ATP2B4: variants seen among roughly 807,000 people sequenced by gnomAD.
The protein encoded by ATP2B4 is ATPase plasma membrane Ca2+ transporting 4.
A neutral mutation model predicts 110.3 loss-of-function variants in ATP2B4; 39 were observed. The ratio of observed to expected loss-of-function variants is 0.35; its 90% CI spans 0.27 to 0.46. The LOEUF is 0.46. ATP2B4 is among the 20% of genes least tolerant of loss of function. ATP2B4 has a pLI of 1.00. For synonymous variants in ATP2B4, 538 were observed against 571.7 expected (o/e 0.94, Z 0.84); for missense variants, 1,135 against 1,530.9 (o/e 0.74, Z 4.32).
intron 20 of ATP2B4, among the ~76,000 whole-genome samples, chr1:203,729,164 T>G (rs1157681357): frequency 6.6e-6 from 1 of 151,712 alleles, no homozygotes; most frequent in Non-Finnish European, 1.5e-5. Flanking sequence ...TCCCACCTCG[T>G]TAGTGTATAG....
At chr1:203,663,922 T>C (rs374517153) in intron 1 of ATP2B4, among the ~76,000 whole-genome samples, 44 of 152,246 alleles carry the variant, frequency 2.9e-4, no homozygotes, top group African/African-American at 7.0e-4. Flanking sequence ...CCAATTTCTT[T>C]TAGGACCTTG....
Position 203,660,011 on chromosome 1 carries a change from G to T in ATP2B4, c.-464-22731G>T, listed in dbSNP as rs542054820. On this transcript the variant is annotated intron_variant, in intron 1 of 20. Coordinates refer to ENST00000357681, the MANE Select transcript of ATP2B4 (RefSeq NM_001684.5). ...GCAGGAGAATCGCTTGAACCTGGGA[G>T]CTGGAGGTTGCAGTGAGCCAAGATT... is the stretch of plus-strand genomic sequence containing the variant. Among the ~76,000 whole-genome samples, 5 of 151,962 alleles carry T rather than the reference G, an allele frequency of 3.3e-5. No individual in the cohort carries two copies. The South Asian group carries it at 1.0e-3, about 32-fold the overall frequency.
chr1:203,648,113 A>G (rs1195605405), intron 1 of ATP2B4, among the ~76,000 whole-genome samples: 3 of 152,124 alleles, frequency 2.0e-5, no homozygotes, highest in Non-Finnish European at 4.4e-5. Flanking sequence ...TGTGAGTGAG[A>G]TTACTCATTC....
intron 18 of ATP2B4, 116 bp downstream of exon 18, chr1:203,722,805 C>A: frequency 1.0e-6 from 1 of 971,006 alleles, no homozygotes; most frequent in Non-Finnish European, 1.5e-6. Context: ...GGGACTGGAG[C>A]TGTAAGTTGA....
At chr1:203,701,905 T>C (rs1346725846) in intron 6 of ATP2B4, 139 bp from the exon 7 acceptor site, 1 of 779,634 alleles carries the variant, frequency 1.3e-6, no homozygotes, top group Admixed American at 2.7e-5. Context: ...GATGTGAGCT[T>C]CCTTTACATT....
rs147922241 is a variant in ATP2B4 at position 203,721,823 on chromosome 1, C to T, written c.2812+413C>T. Among the ~76,000 whole-genome samples the T allele has an allele frequency of 8.2e-3, 1,250 of 151,706 alleles. 29 individuals are homozygous for T. Among genetic ancestry groups the T allele is most frequent in the East Asian group, 0.08 (411 of 5,132 alleles). ...GATTACAGGCATGCGCCACCACACC[C>T]GGCTACTTTTTGTATTTTTAGTAGA... On this transcript the variant is annotated intron_variant, in intron 17 of 20. Coordinates refer to ENST00000357681, the MANE Select transcript of ATP2B4 (RefSeq NM_001684.5).
chr1:203,628,086 G>A (rs1571654543), intron 1 of ATP2B4, among the ~76,000 whole-genome samples: 1 of 152,200 alleles, frequency 6.6e-6, no homozygotes, highest in East Asian at 1.9e-4. Flanking sequence ...GGGCTGGTGA[G>A]TGTTTGGCAG....
At position 203,700,210 on chromosome 1, in the gene ATP2B4, T is replaced by C. The variant is rs754679496; in HGVS notation, c.654T>C (p.Asp218=). The change falls in exon 5 of 21, where the codon GAT becomes GAC. Residue 218 remains aspartate (D), a synonymous_variant. Transcript: ENST00000357681. ...TCCTTCCCCTTTGTGCTCTAGGTGA[T>C]CTGCTGCCTGCAGATGGAATCCTGA... ...VGDIAQVKYG[D]LLPADGILIQ... The C allele has an allele frequency of 6.2e-7, 1 of 1,613,186 alleles. No individual in the cohort carries two copies. Among genetic ancestry groups the C allele is most frequent in the Non-Finnish European group, 8.5e-7 (1 of 1,179,430 alleles).
At chr1:203,696,073 C>A (rs539722719) in intron 2 of ATP2B4, among the ~76,000 whole-genome samples, 1 of 151,940 alleles carries the variant, frequency 6.6e-6, no homozygotes, top group Non-Finnish European at 1.5e-5. Flanking sequence ...TACAGGCATG[C>A]GCCACCACAC....
At chr1:203,719,225 G>GAAAAAAA (rs60841821) in intron 15 of ATP2B4, among the ~76,000 whole-genome samples, 593 of 54,330 alleles carry the variant, frequency 0.011, 29 homozygotes, top group African/African-American at 0.042. Context: ...ACCCTGTCTC[G>GAAAAAAA]AAAAAAAAAA....
intron 8 of ATP2B4, 86 bp downstream of exon 8, chr1:203,703,899 G>C (rs1665768993): frequency 2.7e-6 from 4 of 1,466,922 alleles, no homozygotes; most frequent in Non-Finnish European, 2.7e-6. Flanking sequence ...CACCGACCGA[G>C]ACTGGCAGAA....
At position 203,691,471 on chromosome 1, in the gene ATP2B4, T is replaced by C. The variant is rs141868004; in HGVS notation, c.194-6686T>C. Among the ~76,000 whole-genome samples the C allele has an allele frequency of 7.7e-3, 1,169 of 152,272 alleles. 16 individuals carry two copies. The highest frequency in any genetic ancestry group is 0.026 in the African/African-American group (1,066 of 41,548). On this transcript the variant is annotated intron_variant, in intron 2 of 20. Transcript: ENST00000357681. ...GAGCAGAAAGCTAACTAGAGAGCTC[T>C]AGGGAGACTTTTTTCCCTGGGCCAC... is the stretch of plus-strand genomic sequence containing the variant.
At chr1:203,707,340 T>A (rs1665878517) in intron 9 of ATP2B4, 117 bp downstream of exon 9, 1 of 965,342 alleles carries the variant, frequency 1.0e-6, no homozygotes, top group Non-Finnish European at 1.5e-6. Flanking sequence ...GGCTGGTGCC[T>A]CACAAGAGCA....
At chr1:203,698,412 C>A in intron 3 of ATP2B4, 58 bp downstream of exon 3, 1 of 1,551,132 alleles carries the variant, frequency 6.4e-7, no homozygotes, top group African/African-American at 1.4e-5. Context: ...ACCACCACCA[C>A]CAAGCGCTTA....
chr1:203,702,232 T>C (rs549360536), intron 7 of ATP2B4, among the ~76,000 whole-genome samples, 153 bp downstream of exon 7: 1 of 152,288 alleles, frequency 6.6e-6, no homozygotes, highest in East Asian at 1.9e-4. Flanking sequence ...GCAGAGATTT[T>C]TGGGGTGGTC....
At chr1:203,719,979 G>T (rs1666274017) in intron 15 of ATP2B4, among the ~76,000 whole-genome samples, 1 of 152,084 alleles carries the variant, frequency 6.6e-6, no homozygotes, top group Non-Finnish European at 1.5e-5. Flanking sequence ...GGCCAAGGTG[G>T]GAGGATCATT....
chr1:203,683,646 T>G (rs1665083516), intron 2 of ATP2B4, among the ~76,000 whole-genome samples: 2 of 151,030 alleles, frequency 1.3e-5, no homozygotes, highest in Admixed American at 1.3e-4. Context: ...TTCTTTTCTT[T>G]CTTTCTTCTT....
At chr1:203,733,679 T>C (rs1462343708) in intron 20 of ATP2B4, 1 of 382,400 alleles carries the variant, frequency 2.6e-6, no homozygotes, top group Non-Finnish European at 4.6e-6. Flanking sequence ...CTTCCTTTTC[T>C]TGAGTTTTGT....
intron 1 of ATP2B4, among the ~76,000 whole-genome samples, chr1:203,677,117 T>G (rs897819375): frequency 6.6e-6 from 1 of 152,074 alleles, no homozygotes; most frequent in African/African-American, 2.4e-5. Flanking sequence ...TATATTTCCC[T>G]GCTATAAGAA....
Sources: allele counts gnomAD v4.1 joint callset (sites outside exome capture counted in the v4.1 genomes callset), GRCh38; gene constraint gnomAD v4.1.1; transcripts MANE v1.5; gene names NCBI Gene and HGNC (gene_info 2026-07-23, HGNC 2026-07-21).